Variants in TMEM87A observed in about 807,000 individuals in gnomAD.
The protein encoded by TMEM87A is transmembrane protein 87A.
In TMEM87A, 50 loss-of-function variants were observed where a neutral mutation model predicts 90.0. The ratio of observed to expected loss-of-function variants is 0.56; its 90% CI spans 0.44 to 0.70. The LOEUF (loss-of-function observed/expected upper bound fraction) is 0.70, where lower values mean the gene tolerates loss of function less well. Ranked by LOEUF, TMEM87A falls within the 30% of genes least tolerant of loss-of-function variation. TMEM87A has a pLI of 0.00. For missense variants in TMEM87A, 577 were observed against 660.5 expected, an observed-to-expected ratio of 0.87 and a Z score of 1.39; for synonymous variants, 226 against 226.7, an observed-to-expected ratio of 1.00 and a Z score of 0.03.
chr15:42,225,312 G>A (rs1712394), intron 15 of TMEM87A, among the ~76,000 whole-genome samples: 142,319 of 151,672 alleles, frequency 0.94, 67,137 homozygotes, highest in Non-Finnish European at 1. Flanking sequence ...GGGGGGGGGG[G>A]AAGGCATAAT....
chr15:42,236,795 G>C lies in TMEM87A; in HGVS notation c.869-376C>G, dbSNP rs191429363. Among the ~76,000 whole-genome samples the C allele has an allele frequency of 3.3e-5, 5 of 152,322 alleles. 1 individual carries two copies. The highest frequency in any genetic ancestry group is 3.3e-4 in the Admixed American group (5 of 15,302). On this transcript the variant is annotated intron_variant, in intron 9 of 19. Coordinates refer to ENST00000389834, the MANE Select transcript of TMEM87A (RefSeq NM_015497.5). ...ACAAAACACACTCGTGTACACGCTT[G>C]TTGGCATGTACAGCTTAACTTTTTT... is the stretch of plus-strand genomic sequence containing the variant.
chr15:42,216,341 G>A (rs1486762551), intron 19 of TMEM87A, among the ~76,000 whole-genome samples: 1 of 152,142 alleles, frequency 6.6e-6, no homozygotes, highest in Non-Finnish European at 1.5e-5. Flanking sequence ...ATACTGTAAC[G>A]TACACTAAAG....
chr15:42,232,180 T>C (rs2050696418), intron 11 of TMEM87A, among the ~76,000 whole-genome samples: 1 of 152,210 alleles, frequency 6.6e-6, no homozygotes, highest in South Asian at 2.1e-4. Context: ...TGAAATGGCC[T>C]AGAGAACCTT....
At chr15:42,233,409 G>C in intron 10 of TMEM87A, 103 bp from the exon 11 acceptor site, 1 of 800,794 alleles carries the variant, frequency 1.2e-6, no homozygotes, top group South Asian at 1.7e-5. Flanking sequence ...ACAATTTAAA[G>C]CAATAAATAA....
At chr15:42,229,901 C>T (rs911528504) in intron 12 of TMEM87A, among the ~76,000 whole-genome samples, 2 of 152,210 alleles carry the variant, frequency 1.3e-5, no homozygotes, top group African/African-American at 4.8e-5. Context: ...TCTCGGCTCA[C>T]TGCAACCTCC....
chr15:42,228,480 G>A (rs1174268298), intron 13 of TMEM87A, among the ~76,000 whole-genome samples: 1 of 152,092 alleles, frequency 6.6e-6, no homozygotes, highest in African/African-American at 2.4e-5. Context: ...AAATAGAAGA[G>A]GGATAAATGA....
At chr15:42,267,643 A>G (rs939602568) in intron 3 of TMEM87A, among the ~76,000 whole-genome samples, 14 of 152,224 alleles carry the variant, frequency 9.2e-5, no homozygotes, top group Non-Finnish European at 1.3e-4. Context: ...TTAACATGCA[A>G]TAAGTTTATT....
chr15:42,231,120 A>G (rs2140933618), intron 12 of TMEM87A, 72 bp downstream of exon 12: 2 of 1,377,616 alleles, frequency 1.5e-6, no homozygotes, highest in Non-Finnish European at 2.0e-6. Context: ...AACTCTTTGC[A>G]GAAAGATCAA....
intron 1 of TMEM87A, 21 bp from the exon 2 acceptor site, chr15:42,272,144 T>C (rs1449960864): frequency 2.5e-6 from 4 of 1,581,218 alleles, no homozygotes; most frequent in East Asian, 2.3e-5. Flanking sequence ...AAAGGAAAGA[T>C]AATTAGCCTC....
At chr15:42,252,126 G>A (rs549221070) in intron 6 of TMEM87A, among the ~76,000 whole-genome samples, 15 of 152,222 alleles carry the variant, frequency 9.9e-5, no homozygotes, top group Non-Finnish European at 2.2e-4. Flanking sequence ...AGGCGGGAGT[G>A]TCCCAGTTTT....
chr15:42,260,975 A>C lies in TMEM87A; in HGVS notation c.487T>G (p.Phe163Val), dbSNP rs547548383. ...ATACTTACGGTTTTGTCTCCAATAA[A>C]GGTAAGGTTTGTTCCATTCTCCTTA... The part of the protein sequence containing the change: ...EAKENGTNLT[F>V]IGDKTAMHEP... The change falls in exon 6 of 20, where the codon TTT (phenylalanine) becomes GTT (valine). Residue 163 changes from phenylalanine to valine, a missense_variant. Transcript: ENST00000389834. The C allele has an allele frequency of 1.2e-6, 2 of 1,608,914 alleles. No individual in the cohort carries two copies. The highest frequency in any genetic ancestry group is 3.4e-5 in the Admixed American group (2 of 59,274).
chr15:42,218,729 G>A (rs1426600459), intron 17 of TMEM87A, among the ~76,000 whole-genome samples: 1 of 152,016 alleles, frequency 6.6e-6, no homozygotes, highest in Non-Finnish European at 1.5e-5. Context: ...ACGCTGTTGC[G>A]AATGACAAGA....
intron 17 of TMEM87A, chr15:42,218,845 G>C (rs2050424677): frequency 1.3e-5 from 2 of 157,006 alleles, no homozygotes; most frequent in African/African-American, 4.8e-5. Context: ...CTGTATCTTG[G>C]CTACTGTGAT....
chr15:42,240,175 C>G lies in TMEM87A; in HGVS notation c.623-444G>C, dbSNP rs181347424. 2.0e-3 allele frequency among the ~76,000 whole-genome samples: 303 copies of G among 152,288 alleles called. 1 individual carries two copies. The highest frequency in any genetic ancestry group is 6.3e-3 in the African/African-American group (262 of 41,564). On this transcript the variant is annotated intron_variant, in intron 7 of 19. Coordinates refer to ENST00000389834, the MANE Select transcript of TMEM87A (RefSeq NM_015497.5). ...TACATATTGCCATCTTCTTTGTTTT[C>G]TATCTTTCCTCACCTGTATTTTCCT...
At chr15:42,248,679 G>A (rs2051025026) in intron 6 of TMEM87A, among the ~76,000 whole-genome samples, 1 of 152,298 alleles carries the variant, frequency 6.6e-6, no homozygotes, top group East Asian at 1.9e-4. Context: ...GCTGGATTCG[G>A]TTTGCAAGTA....
chr15:42,236,525 A>G (rs2050774316), intron 9 of TMEM87A, 106 bp from the exon 10 acceptor site: 2 of 899,548 alleles, frequency 2.2e-6, no homozygotes, highest in Non-Finnish European at 3.6e-6. Flanking sequence ...AAGCATTGAT[A>G]TTAGTCCTGC....
intron 10 of TMEM87A, among the ~76,000 whole-genome samples, chr15:42,233,714 A>G (rs1392218408): frequency 6.6e-6 from 1 of 152,096 alleles, no homozygotes; most frequent in Non-Finnish European, 1.5e-5. Context: ...ATATTTCAGT[A>G]TGTGTTTTTA....
At chr15:42,231,379 A>T (rs1361884382) in intron 11 of TMEM87A, 119 bp from the exon 12 acceptor site, 1 of 703,788 alleles carries the variant, frequency 1.4e-6, no homozygotes, top group African/African-American at 1.9e-5. Context: ...GAACTGAAAG[A>T]AAATAAAAAG....
chr15:42,243,512 ATT>A (rs375255055), intron 7 of TMEM87A, among the ~76,000 whole-genome samples: 12 of 129,552 alleles, frequency 9.3e-5, no homozygotes, highest in African/African-American at 2.4e-4. Context: ...ATGTTAATTA[ATT>A]TTTTTTTTTT....
Sources: gnomAD v4.1 joint callset for allele counts (sites outside exome capture counted in the v4.1 genomes callset) on GRCh38, gnomAD v4.1.1 for gene constraint, MANE v1.5 for transcripts, NCBI Gene and HGNC (gene_info 2026-07-23, HGNC 2026-07-21) for gene names.